The following FGD6 variants were observed in gnomAD, a reference collection of about 807,000 sequenced individuals.
FGD6 encodes the protein FYVE, RhoGEF and PH domain-containing protein 6.
FGD6 carries 90 observed loss-of-function variants against 149.4 expected under a neutral mutation model. The observed-to-expected ratio is 0.60, with a 90% CI of 0.51 to 0.72. The LOEUF (loss-of-function observed/expected upper bound fraction) is 0.72, where lower values mean the gene tolerates loss of function less well. Ranked by LOEUF, FGD6 falls within the 30% of genes least tolerant of loss-of-function variation. FGD6 has a pLI of 0.00. For missense variants in FGD6, 1,437 were observed against 1,684.8 expected, an observed-to-expected ratio of 0.85 and a Z score of 2.57; for synonymous variants, 527 against 584.0, an observed-to-expected ratio of 0.90 and a Z score of 1.41.
At chr12:95,152,213 C>G (rs1346044391) in intron 5 of FGD6, among the ~76,000 whole-genome samples, 1 of 152,066 alleles carries the variant, frequency 6.6e-6, no homozygotes, top group East Asian at 1.9e-4. Flanking sequence ...GTAGTCCCAG[C>G]TGCTCAGGAG....
At chr12:95,120,240 T>A (rs1015758465) in intron 8 of FGD6, among the ~76,000 whole-genome samples, 4 of 149,164 alleles carry the variant, frequency 2.7e-5, no homozygotes, top group Non-Finnish European at 5.9e-5. Flanking sequence ...AATAAATAAA[T>A]AAAAATAAAT....
rs1389659117 is a variant in FGD6, at chr12:95,108,702, G to A, written c.3134-141C>T. Reference sequence around the variant, plus strand: ...GGAGCTTATTGACTGTGAGTAGGCAGAAATATAAGGTTCAATGAAGGCAAA... The same window carrying A: ...GGAGCTTATTGACTGTGAGTAGGCAAAAATATAAGGTTCAATGAAGGCAAA... On this transcript the variant is annotated intron_variant, in intron 9 of 20. Transcript: ENST00000343958. The A allele has an allele frequency of 1.7e-5, 16 of 922,218 alleles. No homozygotes were observed. In the Admixed American group the frequency reaches 3.7e-4, roughly 21 times the overall value. 57.1% of individuals were successfully genotyped at this position (922,218 alleles called of 1,614,324 possible). A position where few individuals can be genotyped will look rare whatever the true frequency, so the allele number is the denominator to read the frequency against.
Position 95,120,242 on chromosome 12 carries a change from AAAAT to A in FGD6, c.3083-6545_3083-6542del, listed in dbSNP as rs200231268. On this transcript the variant is annotated intron_variant, in intron 8 of 20. Transcript: ENST00000343958. ...AGTCCGTCTCAAAAATAAATAAATA[AAAAT>A]AAATAAATAAATAAATAAATAAAGC... 1.1e-3 allele frequency among the ~76,000 whole-genome samples: 160 copies of A among 151,720 alleles called. 2 individuals are homozygous for A. The highest frequency in any genetic ancestry group is 3.5e-3 in the African/African-American group (144 of 41,344).
chr12:95,182,220 CTTTTT>C (rs34662366), intron 2 of FGD6, among the ~76,000 whole-genome samples: 1 of 135,290 alleles, frequency 7.4e-6, no homozygotes, highest in Non-Finnish European at 1.6e-5. Context: ...TGTATACATA[CTTTTT>C]TTTTTTTTTT....
intron 2 of FGD6, among the ~76,000 whole-genome samples, chr12:95,198,978 A>ATC (rs1565922199): frequency 6.6e-6 from 1 of 152,024 alleles, no homozygotes; most frequent in African/African-American, 2.4e-5. Context: ...CAGCCATATA[A>ATC]TTCTGTGTTC....
At chr12:95,173,952 C>T (rs187126496) in intron 2 of FGD6, among the ~76,000 whole-genome samples, 2 of 152,288 alleles carry the variant, frequency 1.3e-5, no homozygotes, top group Admixed American at 1.3e-4. Flanking sequence ...GCCTCAGAAG[C>T]CATTCCTGGA....
intron 8 of FGD6, among the ~76,000 whole-genome samples, chr12:95,121,343 A>G (rs1456976507): frequency 2.0e-5 from 3 of 151,274 alleles, no homozygotes; most frequent in Non-Finnish European, 4.4e-5. Context: ...AGGGAGGCTG[A>G]GGCCGGAGAA....
intron 5 of FGD6, among the ~76,000 whole-genome samples, chr12:95,145,660 T>C (rs1337902421): frequency 1.3e-5 from 2 of 152,114 alleles, no homozygotes; most frequent in African/African-American, 2.4e-5. Flanking sequence ...CAAAATCCCA[T>C]TGCAGTGGTC....
intron 2 of FGD6, among the ~76,000 whole-genome samples, chr12:95,201,062 A>G (rs2136299037): frequency 6.6e-6 from 1 of 152,326 alleles, no homozygotes; most frequent in African/African-American, 2.4e-5. Flanking sequence ...CTAAAGACCA[A>G]ATTTATCTAT....
Position 95,092,602 on chromosome 12 carries a change from G to C in FGD6, c.3747+97C>G, listed in dbSNP as rs568452153. 5 of 1,219,700 alleles carry C rather than the reference G, an allele frequency of 4.1e-6. No individual in the cohort carries two copies. The African/African-American group carries it at 4.6e-5, about 11-fold the overall frequency. The allele number at this position is 1,219,700 out of a possible 1,614,324, so 75.6% of individuals were successfully genotyped here. A position where few individuals can be genotyped will look rare whatever the true frequency, so the allele number is the denominator to read the frequency against. On this transcript the variant is annotated intron_variant, in intron 16 of 20. Coordinates refer to ENST00000343958, the MANE Select transcript of FGD6 (RefSeq NM_018351.4). Reference sequence around the variant, plus strand: ...AATAATAATAGTTATTGTTATTCTTGAACTATAATGGTTTATGAGGGGAAA... The same window carrying C: ...AATAATAATAGTTATTGTTATTCTTCAACTATAATGGTTTATGAGGGGAAA...
chr12:95,172,459 A>C, intron 3 of FGD6, 141 bp downstream of exon 3: 1 of 705,546 alleles, frequency 1.4e-6, no homozygotes, highest in Non-Finnish European at 2.3e-6. Context: ...GTGCCACATT[A>C]TAGCAGGAAT....
At chr12:95,108,468 A>G in intron 10 of FGD6, 35 bp downstream of exon 10, 1 of 1,614,044 alleles carries the variant, frequency 6.2e-7, no homozygotes, top group Non-Finnish European at 8.5e-7. Context: ...TTTCAGGTTC[A>G]AGACCACACC....
intron 8 of FGD6, chr12:95,126,433 A>T: frequency 8.9e-7 from 1 of 1,122,418 alleles, no homozygotes; most frequent in Non-Finnish European, 1.2e-6. Context: ...TAAAAAAAAC[A>T]AACAAAAAAC....
chr12:95,177,272 C>G (rs1332794555), intron 2 of FGD6, among the ~76,000 whole-genome samples: 1 of 152,242 alleles, frequency 6.6e-6, no homozygotes, highest in East Asian at 1.9e-4. Context: ...AAAATTCCAG[C>G]AAGGAGAAGG....
intron 8 of FGD6, among the ~76,000 whole-genome samples, chr12:95,125,162 G>C (rs978311597): frequency 6.6e-6 from 1 of 151,944 alleles, no homozygotes; most frequent in African/African-American, 2.4e-5. Flanking sequence ...AAGAATCTAG[G>C]CACAAAAAAA....
chr12:95,086,010 A>T (rs1289791679), intron 18 of FGD6, 102 bp from the exon 19 acceptor site: 1 of 1,088,108 alleles, frequency 9.2e-7, no homozygotes, highest in African/African-American at 1.6e-5. Context: ...CTGTAATGAT[A>T]GAATGTTTCA....
chr12:95,096,719 T>C (rs915692510), intron 14 of FGD6, among the ~76,000 whole-genome samples: 6 of 152,226 alleles, frequency 3.9e-5, no homozygotes, highest in African/African-American at 1.4e-4. Context: ...TGAGAATTAG[T>C]AATGTTTGAT....
Position 95,087,319 on chromosome 12 carries a change from C to T in FGD6, c.3979-1411G>A, listed in dbSNP as rs117205802. Among the ~76,000 whole-genome samples, 593 of 152,228 alleles carry T rather than the reference C, an allele frequency of 3.9e-3. 4 individuals are homozygous for T. The highest frequency in any genetic ancestry group is 0.01 in the Admixed American group (159 of 15,292). On this transcript the variant is annotated intron_variant, in intron 18 of 20. Transcript: ENST00000343958. ...TCCCCCTGAGTGTGGACAGGACCTA[C>T]GACTTGCTTCTAACTAAGAATTTGG...
chr12:95,092,211 T>G (rs1178283490), intron 16 of FGD6, among the ~76,000 whole-genome samples: 1 of 152,208 alleles, frequency 6.6e-6, no homozygotes. Flanking sequence ...GGCTCCATAC[T>G]AAATGCTCTC....
Sources: gnomAD v4.1 joint callset for allele counts (sites outside exome capture counted in the v4.1 genomes callset) on GRCh38, gnomAD v4.1.1 for gene constraint, MANE v1.5 for transcripts, NCBI Gene and HGNC (gene_info 2026-07-23, HGNC 2026-07-21) for gene names.